The following FNDC3A variants were observed in gnomAD, a reference collection of about 807,000 sequenced individuals.
FNDC3A encodes fibronectin type-III domain-containing protein 3A.
FNDC3A carries 32 observed loss-of-function variants against 148.9 expected under a neutral mutation model. The observed-to-expected ratio is 0.21, with a 90% CI of 0.16 to 0.29. The LOEUF (loss-of-function observed/expected upper bound fraction) is 0.29. FNDC3A is among the 10% of genes least tolerant of loss of function. The pLI is 1.00. For missense variants in FNDC3A, 1,191 were observed against 1,452.8 expected, an observed-to-expected ratio of 0.82 and a Z score of 2.93; for synonymous variants, 472 against 473.6, an observed-to-expected ratio of 1.00 and a Z score of 0.04.
intron 4 of FNDC3A, among the ~76,000 whole-genome samples, chr13:49,130,212 CTGTTTTT>C (rs1881943765): frequency 6.6e-6 from 1 of 150,642 alleles, no homozygotes; most frequent in African/African-American, 2.4e-5. Context: ...GGTGTAATTC[CTGTTTTT>C]TGTTTTTTGG....
chr13:49,045,732 T>C, intron 2 of FNDC3A: 2 of 972,918 alleles, frequency 2.1e-6, no homozygotes, highest in Admixed American at 2.6e-5. Flanking sequence ...AAAAACCCTG[T>C]CAGGATGTTT....
chr13:49,017,984 T>C (rs958590304), intron 2 of FNDC3A, among the ~76,000 whole-genome samples: 1 of 152,250 alleles, frequency 6.6e-6, no homozygotes, highest in East Asian at 1.9e-4. Context: ...GGTAGTCTGA[T>C]GGGCTTCCCT....
At chr13:49,047,860 C>A (rs977934879) in intron 2 of FNDC3A, among the ~76,000 whole-genome samples, 1 of 152,134 alleles carries the variant, frequency 6.6e-6, no homozygotes, top group Non-Finnish European at 1.5e-5. Flanking sequence ...GTCATGAAGT[C>A]TTTGCTTAAG....
chr13:49,024,311 T>C (rs1873540682), intron 2 of FNDC3A, among the ~76,000 whole-genome samples: 1 of 152,028 alleles, frequency 6.6e-6, no homozygotes, highest in African/African-American at 2.4e-5. Flanking sequence ...GAATAATTAA[T>C]ACCAGTTTTC....
intron 8 of FNDC3A, among the ~76,000 whole-genome samples, chr13:49,159,119 A>G (rs988901654): frequency 2.0e-5 from 3 of 152,196 alleles, no homozygotes; most frequent in African/African-American, 7.2e-5. Flanking sequence ...TTTTGGTTCC[A>G]TATGAACTTT....
At position 49,187,174 on chromosome 13, in the gene FNDC3A, G is replaced by A. The variant is rs1885621079; in HGVS notation, c.1809G>A (p.Met603Ile). 2 of 1,610,770 alleles carry A rather than the reference G, an allele frequency of 1.2e-6. No homozygotes were observed. Among genetic ancestry groups the A allele is most frequent in the Non-Finnish European group, 8.5e-7 (1 of 1,177,408 alleles). Residue 603 changes from methionine (M) to isoleucine (I), a missense_variant, in exon 16 of 26, where the codon ATG becomes ATA. Coordinates refer to ENST00000492622, the MANE Select transcript of FNDC3A (RefSeq NM_001079673.2). ...CCATCAATAAATATGTAGTGGAGAT[G>A]GCAGAAGGTTCTAACGGTATGAATG... ...GATINKYVVE[M>I]AEGSNGNKWE... is the part of the protein sequence containing the mutation.
intron 3 of FNDC3A, chr13:49,110,254 A>T: frequency 8.8e-7 from 1 of 1,132,696 alleles, no homozygotes; most frequent in Non-Finnish European, 1.2e-6. Context: ...TCACGTGATG[A>T]CTGTCACGTG....
rs116090235 is a variant in FNDC3A, at chr13:49,091,913, G to A, written c.175+16549G>A. ...GTCAGAAAGCACCCAGTTCATGATG[G>A]GCAGTTAGGTCACATGGTGACTTGA... On this transcript the variant is annotated intron_variant, in intron 3 of 25. Transcript: ENST00000492622. Among the ~76,000 whole-genome samples the A allele has an allele frequency of 1.0e-3, 158 of 152,312 alleles. 1 individual carries two copies. Among genetic ancestry groups the A allele is most frequent in the African/African-American group, 3.5e-3 (147 of 41,576 alleles).
intron 3 of FNDC3A, chr13:49,095,483 C>T (rs1002487928): frequency 2.6e-5 from 4 of 151,948 alleles, no homozygotes; most frequent in African/African-American, 9.7e-5. Context: ...CTTCACTTGA[C>T]TAGCCTAAGA....
chr13:49,037,048 C>G (rs140991305), intron 2 of FNDC3A, among the ~76,000 whole-genome samples: 1 of 152,176 alleles, frequency 6.6e-6, no homozygotes, highest in African/African-American at 2.4e-5. Context: ...TATGCAGATC[C>G]TGGACCAGTT....
intron 2 of FNDC3A, among the ~76,000 whole-genome samples, chr13:49,034,066 T>A (rs1391604512): frequency 1.3e-5 from 2 of 152,000 alleles, no homozygotes; most frequent in African/African-American, 4.8e-5. Context: ...AATAATTATA[T>A]TTTAGCATAT....
intron 3 of FNDC3A, among the ~76,000 whole-genome samples, chr13:49,097,774 A>G (rs564182330): frequency 3.9e-5 from 6 of 152,108 alleles, no homozygotes; most frequent in African/African-American, 1.4e-4. Flanking sequence ...ATGATTACTC[A>G]TAAGCCATCC....
intron 3 of FNDC3A, among the ~76,000 whole-genome samples, chr13:49,093,419 G>T (rs969979849): frequency 1.3e-5 from 2 of 152,166 alleles, no homozygotes; most frequent in Non-Finnish European, 2.9e-5. Flanking sequence ...TTAGCTAATG[G>T]TTATCGAACG....
chr13:49,004,812 A>G (rs960255099), intron 1 of FNDC3A, among the ~76,000 whole-genome samples: 4 of 151,902 alleles, frequency 2.6e-5, no homozygotes, highest in African/African-American at 9.7e-5. Context: ...GTTAATCCCA[A>G]ATTAGCTTCC....
chr13:49,080,850 A>G (rs199650744), intron 3 of FNDC3A, among the ~76,000 whole-genome samples: 25 of 152,120 alleles, frequency 1.6e-4, no homozygotes, highest in Non-Finnish European at 2.8e-4. Flanking sequence ...CCTGATGACA[A>G]ATTGGTTCCT....
intron 2 of FNDC3A, among the ~76,000 whole-genome samples, chr13:49,013,965 T>C (rs1952430912): frequency 6.6e-6 from 1 of 150,840 alleles, no homozygotes; most frequent in Non-Finnish European, 1.5e-5. Context: ...CCATGGTGTA[T>C]ATGTGCCACA....
intron 2 of FNDC3A, among the ~76,000 whole-genome samples, chr13:49,064,945 G>A (rs775377485): frequency 2.0e-5 from 3 of 152,148 alleles, no homozygotes; most frequent in Non-Finnish European, 2.9e-5. Context: ...TAATGAATGA[G>A]TAGGTCTGTA....
intron 2 of FNDC3A, among the ~76,000 whole-genome samples, chr13:49,012,205 A>G (rs1040095770): frequency 7.3e-5 from 11 of 151,670 alleles, no homozygotes; most frequent in Non-Finnish European, 1.5e-4. Context: ...AAGCTCCGCC[A>G]TGGGTTCATG....
At chr13:49,090,960 C>T (rs1224144470) in intron 3 of FNDC3A, among the ~76,000 whole-genome samples, 2 of 152,208 alleles carry the variant, frequency 1.3e-5, no homozygotes, top group Non-Finnish European at 2.9e-5. Flanking sequence ...TGCTGTTGCA[C>T]TCCAGCCTGG....
Sources: gnomAD v4.1 joint callset for allele counts (sites outside exome capture counted in the v4.1 genomes callset) on GRCh38, gnomAD v4.1.1 for gene constraint, MANE v1.5 for transcripts, NCBI Gene and HGNC (gene_info 2026-07-23, HGNC 2026-07-21) for gene names.